The following ITGA9 variants were observed in gnomAD, a reference collection of about 807,000 sequenced individuals.
ITGA9 encodes integrin subunit alpha 9.
In ITGA9, 56 loss-of-function variants were observed where a neutral mutation model predicts 127.8. The ratio of observed to expected loss-of-function variants is 0.44; its 90% confidence interval spans 0.35 to 0.55. ITGA9 has a LOEUF of 0.55. Among genes scored for constraint, ITGA9 ranks in the 20% least tolerant of loss-of-function variants. The probability of loss-of-function intolerance (pLI) is 0.00; values close to 1 mark genes in which losing one functional copy is unlikely to be tolerated. For missense variants in ITGA9, 1,196 were observed against 1,347.1 expected (o/e 0.89, Z 1.76); for synonymous variants, 508 against 514.5 (o/e 0.99, Z 0.17).
intron 15 of ITGA9, among the ~76,000 whole-genome samples, chr3:37,572,458 T>TA (rs1057183701): frequency 6.6e-6 from 1 of 152,160 alleles, no homozygotes; most frequent in Admixed American, 6.5e-5. Context: ...TGTGTGATCC[T>TA]AAGCCAGTGA....
At chr3:37,757,110 A>G (rs1696661809) in intron 23 of ITGA9, among the ~76,000 whole-genome samples, 1 of 151,878 alleles carries the variant, frequency 6.6e-6, no homozygotes, top group South Asian at 2.1e-4. Context: ...AAACTAGACA[A>G]GGGACAATGA....
chr3:37,773,365 C>G (rs1382729347), intron 23 of ITGA9, among the ~76,000 whole-genome samples: 1 of 152,220 alleles, frequency 6.6e-6, no homozygotes, highest in Admixed American at 6.5e-5. Context: ...TTCCAGCGGT[C>G]TGTCAGCAGA....
rs560673718 is a variant in ITGA9, at chr3:37,544,405, A to G, written c.1689+1820A>G. On this transcript the variant is annotated intron_variant, in intron 15 of 27. Coordinates refer to ENST00000264741, the MANE Select transcript of ITGA9 (RefSeq NM_002207.3). The stretch of plus-strand genomic sequence containing the variant: ...CTGAATTTCAGATCACCAATGAATA[A>G]TTTTTTAGTATGAGTGTGTCCCAAA... Among the ~76,000 whole-genome samples the G allele has an allele frequency of 9.2e-5, 14 of 152,262 alleles. No homozygotes were observed. In the South Asian group the frequency reaches 2.9e-3, roughly 32 times the overall value.
intron 17 of ITGA9, among the ~76,000 whole-genome samples, chr3:37,681,403 G>A (rs1395890065): frequency 1.2e-4 from 18 of 152,120 alleles, no homozygotes; most frequent in Admixed American, 1.2e-3. Flanking sequence ...AGCCCTGGGT[G>A]GGAGCATCTG....
At chr3:37,663,962 C>A (rs1700561347) in intron 17 of ITGA9, among the ~76,000 whole-genome samples, 2 of 152,216 alleles carry the variant, frequency 1.3e-5, no homozygotes, top group Non-Finnish European at 2.9e-5. Context: ...GTAGTGAAAA[C>A]TAGCATTATT....
intron 14 of ITGA9, among the ~76,000 whole-genome samples, chr3:37,540,008 A>C (rs970784222): frequency 6.6e-6 from 1 of 152,226 alleles, no homozygotes; most frequent in Non-Finnish European, 1.5e-5. Context: ...GAAGAGATGC[A>C]GGTACTGGCA....
At chr3:37,565,064 A>G (rs965863559) in intron 15 of ITGA9, among the ~76,000 whole-genome samples, 1 of 152,090 alleles carries the variant, frequency 6.6e-6, no homozygotes, top group African/African-American at 2.4e-5. Flanking sequence ...TATGACTTCC[A>G]CCTCTGCATG....
At chr3:37,719,377 C>G (rs1181228471) in intron 18 of ITGA9, among the ~76,000 whole-genome samples, 2 of 152,182 alleles carry the variant, frequency 1.3e-5, no homozygotes, top group East Asian at 1.9e-4. Flanking sequence ...GAGATACACT[C>G]TGAAGGTGCT....
intron 14 of ITGA9, among the ~76,000 whole-genome samples, chr3:37,540,844 G>A (rs577927848): frequency 3.9e-5 from 6 of 152,232 alleles, no homozygotes; most frequent in African/African-American, 1.4e-4. Flanking sequence ...CTTAATAATG[G>A]CACCTCCTGA....
At chr3:37,753,680 C>T (rs1696617058) in intron 23 of ITGA9, 2 of 152,196 alleles carry the variant, frequency 1.3e-5, no homozygotes. Context: ...GAACCACAGT[C>T]ATTTCCTCTG....
intron 15 of ITGA9, among the ~76,000 whole-genome samples, chr3:37,593,691 T>C (rs1270639860): frequency 6.6e-6 from 1 of 152,176 alleles, no homozygotes; most frequent in Non-Finnish European, 1.5e-5. Context: ...GTGAATGTGG[T>C]GTTGGAGGAC....
intron 26 of ITGA9, among the ~76,000 whole-genome samples, chr3:37,791,502 C>G (rs1183014392): frequency 6.6e-6 from 1 of 152,182 alleles, no homozygotes; most frequent in Non-Finnish European, 1.5e-5. Flanking sequence ...GATCTGGAAA[C>G]CTGAGGGCTA....
chr3:37,525,375 A>C lies in ITGA9; in HGVS notation c.1328-651A>C, dbSNP rs369956335. ...TATAATGACTAATAAATATTTTCTG[A>C]TTTAAATGTAATGAAATATTATCAG... On this transcript the variant is annotated intron_variant, in intron 12 of 27. Transcript: ENST00000264741. Among the ~76,000 whole-genome samples the C allele has an allele frequency of 5.3e-5, 8 of 152,286 alleles. No homozygotes were observed. The East Asian group carries it at 9.6e-4, about 18-fold the overall frequency.
chr3:37,596,915 G>A (rs541153887), intron 15 of ITGA9, among the ~76,000 whole-genome samples: 7 of 152,296 alleles, frequency 4.6e-5, no homozygotes, highest in African/African-American at 1.7e-4. Context: ...AGCTGCCATG[G>A]CCAGAGAAAA....
At chr3:37,787,186 C>A (rs1697051767) in intron 26 of ITGA9, among the ~76,000 whole-genome samples, 1 of 152,094 alleles carries the variant, frequency 6.6e-6, no homozygotes, top group Non-Finnish European at 1.5e-5. Context: ...ACTTGCCCAA[C>A]ATGAGAGGTT....
intron 18 of ITGA9, among the ~76,000 whole-genome samples, chr3:37,705,117 A>G (rs1700989870): frequency 6.6e-6 from 1 of 152,188 alleles, no homozygotes; most frequent in Non-Finnish European, 1.5e-5. Flanking sequence ...CTTGATCATG[A>G]GTGGGATCAC....
chr3:37,628,899 T>C (rs1700202075), intron 15 of ITGA9, among the ~76,000 whole-genome samples: 1 of 152,166 alleles, frequency 6.6e-6, no homozygotes, highest in Admixed American at 6.5e-5. Context: ...ATTTGGAGGA[T>C]GAGTAAAGTA....
chr3:37,643,560 G>A (rs1004195333), intron 16 of ITGA9, among the ~76,000 whole-genome samples: 2 of 152,214 alleles, frequency 1.3e-5, no homozygotes, highest in African/African-American at 2.4e-5. Flanking sequence ...CTTTTTAGAA[G>A]AAAATCATGG....
At chr3:37,621,678 A>T (rs1214293363) in intron 15 of ITGA9, among the ~76,000 whole-genome samples, 2 of 152,214 alleles carry the variant, frequency 1.3e-5, no homozygotes, top group African/African-American at 4.8e-5. Context: ...TGTGATTTTC[A>T]TAGATGAACA....
Sources: gnomAD v4.1 joint callset for allele counts (sites outside exome capture counted in the v4.1 genomes callset) on GRCh38, gnomAD v4.1.1 for gene constraint, MANE v1.5 for transcripts, NCBI Gene and HGNC (gene_info 2026-07-23, HGNC 2026-07-21) for gene names.